Variants in TBC1D5 observed in about 807,000 individuals in gnomAD.
The protein encoded by TBC1D5 is TBC1 domain family, member 5.
Under a neutral mutation model 100.3 loss-of-function variants are expected in TBC1D5, and 75 were observed. That is an observed-to-expected ratio of 0.75 (90% confidence interval 0.62 to 0.91). The LOEUF is 0.91. Ranked by LOEUF, TBC1D5 falls within the 40% of genes least tolerant of loss-of-function variation. The pLI, the probability that TBC1D5 is intolerant of heterozygous loss-of-function variation, is 0.00. For missense variants in TBC1D5, 910 were observed against 942.4 expected (o/e 0.97, Z 0.45); for synonymous variants, 323 against 325.6 (o/e 0.99, Z 0.09).
chr3:17,406,654 G>C, intron 4 of TBC1D5, 128 bp from the exon 5 acceptor site: 1 of 725,074 alleles, frequency 1.4e-6, no homozygotes, highest in South Asian at 2.0e-5. Context: ...ATATTTAGTT[G>C]TGTACTGTTT....
chr3:17,345,117 T>G (rs1242882374), intron 13 of TBC1D5, among the ~76,000 whole-genome samples: 4 of 152,006 alleles, frequency 2.6e-5, no homozygotes, highest in African/African-American at 9.7e-5. Context: ...GAAACTACCA[T>G]CAGAGTGAAC....
intron 18 of TBC1D5, among the ~76,000 whole-genome samples, chr3:17,191,996 G>A (rs1037880398): frequency 6.6e-6 from 1 of 151,868 alleles, no homozygotes; most frequent in African/African-American, 2.4e-5. Flanking sequence ...GGGAAAACAG[G>A]TTACAAAGTA....
At chr3:17,419,879 T>C (rs960789237) in intron 4 of TBC1D5, among the ~76,000 whole-genome samples, 1 of 152,088 alleles carries the variant, frequency 6.6e-6, no homozygotes, top group Non-Finnish European at 1.5e-5. Flanking sequence ...TTTGTCTGTT[T>C]GTAGAGATGA....
intron 13 of TBC1D5, among the ~76,000 whole-genome samples, chr3:17,362,484 T>A (rs1021544788): frequency 2.2e-5 from 3 of 139,368 alleles, no homozygotes; most frequent in African/African-American, 8.8e-5. Flanking sequence ...GTAGACTGAC[T>A]TTTTTTTTTT....
intron 8 of TBC1D5, among the ~76,000 whole-genome samples, chr3:17,389,812 C>T (rs2093296007): frequency 6.6e-6 from 1 of 152,110 alleles, no homozygotes; most frequent in Admixed American, 6.6e-5. Flanking sequence ...AGGCACCTAA[C>T]ATTAATGTAT....
At chr3:17,637,429 A>G (rs2064066508) in intron 1 of TBC1D5, among the ~76,000 whole-genome samples, 1 of 151,766 alleles carries the variant, frequency 6.6e-6, no homozygotes, top group Admixed American at 6.6e-5. Context: ...AACAAATATG[A>G]CTATGCAAAA....
chr3:17,688,353 T>C (rs548571970), intron 1 of TBC1D5, among the ~76,000 whole-genome samples: 12 of 152,286 alleles, frequency 7.9e-5, no homozygotes, highest in East Asian at 1.9e-4. Flanking sequence ...CTTTGAGGAA[T>C]TGTAACTAAA....
intron 18 of TBC1D5, among the ~76,000 whole-genome samples, chr3:17,197,324 T>C (rs898387033): frequency 6.6e-6 from 1 of 152,180 alleles, no homozygotes; most frequent in Non-Finnish European, 1.5e-5. Context: ...CCTTTTTTTT[T>C]AGTGTTGTAC....
At chr3:17,729,671 C>T (rs1270356207) in intron 1 of TBC1D5, among the ~76,000 whole-genome samples, 1 of 152,006 alleles carries the variant, frequency 6.6e-6, no homozygotes, top group African/African-American at 2.4e-5. Context: ...CACACCACTG[C>T]ACTACAGCCA....
intron 4 of TBC1D5, among the ~76,000 whole-genome samples, chr3:17,425,595 C>A (rs1441649850): frequency 6.6e-6 from 1 of 152,140 alleles, no homozygotes; most frequent in African/African-American, 2.4e-5. Flanking sequence ...TGCCACTGTA[C>A]GCCAGCCTGG....
chr3:17,372,387 C>T, intron 12 of TBC1D5, 140 bp from the exon 13 acceptor site: 1 of 687,874 alleles, frequency 1.5e-6, no homozygotes, highest in Non-Finnish European at 2.2e-6. Flanking sequence ...GTGAGAGCAC[C>T]ATGAAATAAT....
intron 15 of TBC1D5, among the ~76,000 whole-genome samples, chr3:17,274,414 TATTA>T (rs2149749887): frequency 6.6e-6 from 1 of 152,356 alleles, no homozygotes; most frequent in East Asian, 1.9e-4. Flanking sequence ...AATAAGATGT[TATTA>T]ATTAAGCAAA....
At chr3:17,475,405 A>C (rs895694896) in intron 3 of TBC1D5, among the ~76,000 whole-genome samples, 1 of 151,952 alleles carries the variant, frequency 6.6e-6, no homozygotes, top group Non-Finnish European at 1.5e-5. Context: ...ATCAACTACC[A>C]ACACTTTAGT....
intron 13 of TBC1D5, among the ~76,000 whole-genome samples, chr3:17,313,225 C>G (rs2084259651): frequency 1.3e-5 from 2 of 152,140 alleles, no homozygotes; most frequent in Admixed American, 6.6e-5. Flanking sequence ...TCTACCCTAT[C>G]ACTTACTTGG....
chr3:17,617,333 A>T (rs2062257967), intron 2 of TBC1D5, among the ~76,000 whole-genome samples: 7 of 151,850 alleles, frequency 4.6e-5, no homozygotes. Flanking sequence ...CTTCATTTCA[A>T]CCTTGGTGAA....
At chr3:17,477,878 C>T (rs1419048410) in intron 3 of TBC1D5, among the ~76,000 whole-genome samples, 1 of 152,030 alleles carries the variant, frequency 6.6e-6, no homozygotes, top group Non-Finnish European at 1.5e-5. Flanking sequence ...GTATCCACTA[C>T]ACCTTAGTTT....
At chr3:17,333,654 G>C (rs1194408531) in intron 13 of TBC1D5, among the ~76,000 whole-genome samples, 1 of 152,136 alleles carries the variant, frequency 6.6e-6, no homozygotes, top group Non-Finnish European at 1.5e-5. Context: ...AGGTCTGCTT[G>C]TGGGAATACT....
chr3:17,332,813 G>A, intron 13 of TBC1D5, among the ~76,000 whole-genome samples: 1 of 152,150 alleles, frequency 6.6e-6, no homozygotes, highest in East Asian at 1.9e-4. Context: ...GAATGAATGT[G>A]GTTAGGTGGA....
intron 2 of TBC1D5, among the ~76,000 whole-genome samples, chr3:17,593,977 C>T (rs2060403039): frequency 6.6e-6 from 1 of 152,192 alleles, no homozygotes; most frequent in Admixed American, 6.5e-5. Flanking sequence ...CACCACTCAC[C>T]AATCACCCCT....
Sources: gnomAD v4.1 joint callset for allele counts (sites outside exome capture counted in the v4.1 genomes callset) on GRCh38, gnomAD v4.1.1 for gene constraint, MANE v1.5 for transcripts, NCBI Gene and HGNC (gene_info 2026-07-23, HGNC 2026-07-21) for gene names.